The following MBNL1 variants were observed in gnomAD, a reference collection of about 807,000 sequenced individuals.
MBNL1 encodes the protein muscleblind like splicing regulator 1, also known as muscleblind-like protein 1.
Under a neutral mutation model 42.2 loss-of-function variants are expected in MBNL1, and 8 were observed. The observed-to-expected ratio is 0.19, with a 90% CI of 0.11 to 0.34. MBNL1 has a LOEUF of 0.34. Among genes scored for constraint, MBNL1 ranks in the 10% least tolerant of loss-of-function variants. The probability of loss-of-function intolerance (pLI) is 1.00; values close to 1 mark genes in which losing one functional copy is unlikely to be tolerated. For missense variants in MBNL1, 309 were observed against 495.3 expected, an observed-to-expected ratio of 0.62 and a Z score of 3.57; for synonymous variants, 169 against 173.9, an observed-to-expected ratio of 0.97 and a Z score of 0.22.
intron 2 of MBNL1, among the ~76,000 whole-genome samples, chr3:152,248,038 T>C (rs1176416649): frequency 6.6e-6 from 1 of 151,918 alleles, no homozygotes; most frequent in Non-Finnish European, 1.5e-5. Context: ...TTCTCAAAAT[T>C]TTTCTCACCT....
intron 1 of MBNL1, among the ~76,000 whole-genome samples, chr3:152,273,584 TG>T (rs1173770644): frequency 6.6e-6 from 1 of 152,222 alleles, no homozygotes. Flanking sequence ...CTACTGTTTT[TG>T]ATTATGTTCT....
At chr3:152,446,595 C>T in intron 5 of MBNL1, 1 of 735,588 alleles carries the variant, frequency 1.4e-6, no homozygotes. Context: ...TCTCACCTAC[C>T]CAAAAATGCA....
At chr3:152,315,696 G>A (rs1055038189) in intron 2 of MBNL1, among the ~76,000 whole-genome samples, 3 of 152,056 alleles carry the variant, frequency 2.0e-5, no homozygotes, top group African/African-American at 4.8e-5. Flanking sequence ...GTTCTCTAAT[G>A]AATGTTACCT....
chr3:152,259,883 A>C (rs923816928), intron 2 of MBNL1, among the ~76,000 whole-genome samples: 1 of 152,186 alleles, frequency 6.6e-6, no homozygotes, highest in Non-Finnish European at 1.5e-5. Context: ...AATAATTATA[A>C]TTGTTTATCT....
intron 2 of MBNL1, among the ~76,000 whole-genome samples, chr3:152,361,217 T>C (rs2095915768): frequency 1.3e-5 from 2 of 151,954 alleles, no homozygotes; most frequent in Non-Finnish European, 1.5e-5. Flanking sequence ...ACTGTGGGTA[T>C]ACATTTGAGG....
intron 6 of MBNL1, among the ~76,000 whole-genome samples, chr3:152,450,073 C>T (rs2153891116): frequency 7.4e-6 from 1 of 135,992 alleles, no homozygotes; most frequent in South Asian, 2.6e-4. Context: ...TGCACTCCAG[C>T]TTGGGCAAAG....
rs16864169 is a variant in MBNL1 at position 152,316,137 on chromosome 3, A to G, written c.174+15770A>G. Among the ~76,000 whole-genome samples, 975 of 152,282 alleles carry G rather than the reference A, an allele frequency of 6.4e-3. 9 individuals carry two copies. Among genetic ancestry groups the G allele is most frequent in the African/African-American group, 0.022 (932 of 41,562 alleles). ...GTATTAATACCTTTCAGGGCTTTTG[A>G]TCTGTAACCTCTTGTCACCTCTGGT... On this transcript the variant is annotated intron_variant, in intron 2 of 9. Transcript: ENST00000324210.
intron 2 of MBNL1, among the ~76,000 whole-genome samples, chr3:152,356,249 A>G (rs1412823134): frequency 7.2e-6 from 1 of 139,856 alleles, no homozygotes; most frequent in Non-Finnish European, 1.6e-5. Flanking sequence ...AAAAAAAAGC[A>G]CCCGAAAAAC....
chr3:152,297,556 A>T (rs2059155590), intron 1 of MBNL1, among the ~76,000 whole-genome samples: 1 of 151,872 alleles, frequency 6.6e-6, no homozygotes, highest in Non-Finnish European at 1.5e-5. Flanking sequence ...GGGTTTTGCC[A>T]TGTTGACCAG....
chr3:152,314,292 T>G (rs950039913), intron 2 of MBNL1, among the ~76,000 whole-genome samples: 2 of 147,818 alleles, frequency 1.4e-5, no homozygotes, highest in African/African-American at 5.0e-5. Context: ...TATCACAGCT[T>G]TTTTTTTTTC....
chr3:152,327,281 C>CT (rs953712688), intron 2 of MBNL1, among the ~76,000 whole-genome samples: 10 of 151,936 alleles, frequency 6.6e-5, no homozygotes, highest in East Asian at 5.8e-4. Flanking sequence ...GGGCATCTGT[C>CT]TTTTTTTATC....
At chr3:152,421,191 C>A (rs1375352580) in intron 3 of MBNL1, among the ~76,000 whole-genome samples, 1 of 152,172 alleles carries the variant, frequency 6.6e-6, no homozygotes, top group Non-Finnish European at 1.5e-5. Context: ...TTGGAAAACA[C>A]ACTTCAGGAT....
intron 2 of MBNL1, among the ~76,000 whole-genome samples, chr3:152,353,321 T>C (rs903853047): frequency 7.2e-5 from 11 of 152,320 alleles, no homozygotes; most frequent in Admixed American, 2.6e-4. Context: ...TGGTTTCCAA[T>C]AATCTCTTCT....
chr3:152,393,566 A>G (rs185322365), intron 2 of MBNL1, among the ~76,000 whole-genome samples: 145 of 152,312 alleles, frequency 9.5e-4, no homozygotes, highest in African/African-American at 3.3e-3. Flanking sequence ...TCGTTTGACT[A>G]TTAGTATCCC....
chr3:152,255,561 T>C (rs2035333744), intron 2 of MBNL1, among the ~76,000 whole-genome samples: 2 of 152,020 alleles, frequency 1.3e-5, no homozygotes, highest in African/African-American at 2.4e-5. Flanking sequence ...GCAGTATACT[T>C]TGGGCACTAT....
chr3:152,351,780 T>C (rs1229871381), intron 2 of MBNL1, among the ~76,000 whole-genome samples: 3 of 152,158 alleles, frequency 2.0e-5, no homozygotes, highest in African/African-American at 7.2e-5. Context: ...CTGAAGTGAC[T>C]TTTAAGATAT....
intron 2 of MBNL1, among the ~76,000 whole-genome samples, chr3:152,383,235 T>G (rs2097260329): frequency 6.6e-6 from 1 of 152,114 alleles, no homozygotes. Context: ...TGGGTAGAAC[T>G]TAGAATTCCA....
intron 2 of MBNL1, among the ~76,000 whole-genome samples, chr3:152,362,584 A>C (rs908139847): frequency 1.2e-4 from 18 of 152,068 alleles, no homozygotes; most frequent in African/African-American, 4.3e-4. Flanking sequence ...GGACCCGATA[A>C]ATATTTGTTG....
intron 2 of MBNL1, among the ~76,000 whole-genome samples, chr3:152,400,033 C>T (rs186478856): frequency 1.3e-3 from 198 of 152,206 alleles, no homozygotes; most frequent in African/African-American, 4.1e-3. Context: ...TTAACATTGT[C>T]GGGACCTTAC....
Sources: gnomAD v4.1 joint callset for allele counts (sites outside exome capture counted in the v4.1 genomes callset) on GRCh38, gnomAD v4.1.1 for gene constraint, MANE v1.5 for transcripts, NCBI Gene and HGNC (gene_info 2026-07-23, HGNC 2026-07-21) for gene names.